The following SEC22A variants were observed in gnomAD, a reference collection of about 807,000 sequenced individuals.
SEC22A encodes the protein vesicle-trafficking protein SEC22a.
Under a neutral mutation model 35.3 loss-of-function variants are expected in SEC22A, and 22 were observed. The observed-to-expected ratio is 0.62, with a 90% CI of 0.45 to 0.89. The LOEUF (loss-of-function observed/expected upper bound fraction) is 0.89. Among genes scored for constraint, SEC22A ranks in the 40% least tolerant of loss-of-function variants. The pLI is 0.00. For missense variants in SEC22A, 354 were observed against 362.5 expected (o/e 0.98, Z 0.19); for synonymous variants, 119 against 129.5 (o/e 0.92, Z 0.55).
rs1398776536 is a variant in SEC22A at position 123,272,839 on chromosome 3, A to G, written c.*1117A>G. 6.5e-6 allele frequency: 1 copy of G among 153,808 alleles called. No homozygotes were observed. The allele number at this position is 153,808 out of a possible 1,614,324, so 9.5% of individuals were successfully genotyped here. On this transcript the variant is annotated 3_prime_UTR_variant, in exon 7 of 7. Coordinates refer to ENST00000492595, the MANE Select transcript of SEC22A (RefSeq NM_012430.5). ...AGTGGCATGGGTCCGCACTATGGAA[A>G]TGCTTGACTGTAGTAAGAATCAGAA...
intron 2 of SEC22A, among the ~76,000 whole-genome samples, chr3:123,222,400 T>C (rs1397133855): frequency 6.6e-6 from 1 of 152,094 alleles, no homozygotes; most frequent in Non-Finnish European, 1.5e-5. Flanking sequence ...GGTTTCACCA[T>C]GTTGGCCAGG....
intron 6 of SEC22A, among the ~76,000 whole-genome samples, chr3:123,262,537 G>T (rs1047214659): frequency 5.9e-5 from 9 of 152,068 alleles, no homozygotes; most frequent in African/African-American, 2.2e-4. Context: ...TATGTTTCAG[G>T]TACTCACATG....
intron 5 of SEC22A, among the ~76,000 whole-genome samples, chr3:123,254,028 A>C (rs1937666432): frequency 6.6e-6 from 1 of 152,084 alleles, no homozygotes; most frequent in Non-Finnish European, 1.5e-5. Flanking sequence ...ATAAAATAAA[A>C]ATTATCACCA....
chr3:123,212,537 T>A (rs1365063323), intron 2 of SEC22A, among the ~76,000 whole-genome samples: 1 of 152,264 alleles, frequency 6.6e-6, no homozygotes, highest in East Asian at 1.9e-4. Flanking sequence ...TTTTGCAATT[T>A]TTTTTCTTTT....
At chr3:123,208,857 C>T (rs564762886) in intron 1 of SEC22A, 63 of 232,420 alleles carry the variant, frequency 2.7e-4, no homozygotes, top group Non-Finnish European at 4.0e-4. Flanking sequence ...CTCAGTGACG[C>T]GATTTCGGCT....
At chr3:123,222,087 C>CT (rs1420124787) in intron 2 of SEC22A, among the ~76,000 whole-genome samples, 3 of 151,254 alleles carry the variant, frequency 2.0e-5, no homozygotes, top group Admixed American at 6.6e-5. Flanking sequence ...GCCAACTTTC[C>CT]TTTTTTTGTC....
chr3:123,202,069 TGCCTCTCGCCACAGCCTCGGCCTTCGCC>T (rs1936751641), intron 1 of SEC22A, 83 bp downstream of exon 1: 1 of 153,372 alleles, frequency 6.5e-6, no homozygotes, highest in Non-Finnish European at 1.5e-5. Context: ...TCCCGCTCCC[TGCCTCTCGCCACAGCCTCGGCCTTCGCC>T]CTCGGGATTG....
Position 123,209,222 on chromosome 3 carries a change from C to A in SEC22A, c.5C>A (p.Ser2Tyr). Residue 2 changes from serine (S) to tyrosine (Y), a missense_variant, in exon 2 of 7, where the codon TCT (serine) becomes TAT (tyrosine). Physicochemically the swap from Ser to Tyr is moderately radical, Grantham distance 144. Coordinates refer to ENST00000492595, the MANE Select transcript of SEC22A (RefSeq NM_012430.5). ...AGGTCTTCTCTGTTGGTTGAAATGT[C>A]TATGATTTTATCTGCCTCAGTCATT... M[S>Y]MILSASVIRV... is the part of the protein sequence containing the mutation. The A allele has an allele frequency of 6.2e-7, 1 of 1,613,948 alleles. No individual in the cohort carries two copies. The highest frequency in any genetic ancestry group is 1.1e-5 in the South Asian group (1 of 91,046).
chr3:123,236,352 A>G (rs933300238), intron 4 of SEC22A, among the ~76,000 whole-genome samples: 1 of 152,186 alleles, frequency 6.6e-6, no homozygotes, highest in Non-Finnish European at 1.5e-5. Flanking sequence ...TATAGAATAT[A>G]TATGTCTGAT....
chr3:123,271,792 A>T lies in SEC22A; in HGVS notation c.*70A>T. On this transcript the variant is annotated 3_prime_UTR_variant, in exon 7 of 7. Coordinates refer to ENST00000492595, the MANE Select transcript of SEC22A (RefSeq NM_012430.5). ...GGGAACATATCATAACTGCACTGTG[A>T]TGAAGAAGCTGTTCCCCACAGAGGA... The T allele has an allele frequency of 3.1e-6, 4 of 1,282,002 alleles. No homozygotes were observed. The South Asian group carries it at 5.0e-5, about 16-fold the overall frequency. 79.4% of individuals were successfully genotyped at this position (1,282,002 alleles called of 1,614,324 possible).
intron 4 of SEC22A, among the ~76,000 whole-genome samples, chr3:123,233,682 T>C (rs140470640): frequency 6.6e-6 from 1 of 150,936 alleles, no homozygotes; most frequent in African/African-American, 2.4e-5. Flanking sequence ...AAACTAGGAA[T>C]AGAAGGGAAG....
chr3:123,243,722 A>C (rs1937544669), intron 4 of SEC22A: 1 of 152,236 alleles, frequency 6.6e-6, no homozygotes, highest in African/African-American at 2.4e-5. Flanking sequence ...ACCATGCCAG[A>C]AAGTATTTAC....
rs1158962366 is a variant in SEC22A at position 123,203,111 on chromosome 3, G to GTA, written c.-20+1129_-20+1130dup. ...TTGCGTGCAACTGGTTAAAATCGAA[G>GTA]TATATCTTATGTTGGTATATGAAAG... On this transcript the variant is annotated intron_variant, in intron 1 of 6. Coordinates refer to ENST00000492595, the MANE Select transcript of SEC22A (RefSeq NM_012430.5). 7.6e-5 allele frequency among the ~76,000 whole-genome samples: 8 copies of GTA among 105,100 alleles called. No homozygotes were observed. The Admixed American group carries it at 1.2e-3, about 16-fold the overall frequency. 68.9% of individuals were successfully genotyped at this position (105,100 alleles called of 152,430 possible). A position where few individuals can be genotyped will look rare whatever the true frequency, so the allele number is the denominator to read the frequency against.
In SEC22A at chr3:123,269,308, G is replaced by A. The variant is rs551016649; in HGVS notation, c.724-2214G>A. ...TGGAAATATAAAATCACCATTAAGC[G>A]AACACCACAGTAATCATTGTTGCAG... On this transcript the variant is annotated intron_variant, in intron 6 of 6. Transcript: ENST00000492595. Among the ~76,000 whole-genome samples the A allele has an allele frequency of 1.4e-4, 21 of 151,420 alleles. No individual in the cohort carries two copies. In the East Asian group the frequency reaches 3.3e-3, roughly 24 times the overall value.
At chr3:123,223,354 A>G (rs1937162672) in intron 2 of SEC22A, among the ~76,000 whole-genome samples, 1 of 152,114 alleles carries the variant, frequency 6.6e-6, no homozygotes, top group Non-Finnish European at 1.5e-5. Context: ...AGTACATTCT[A>G]TTTTTTGTCT....
intron 1 of SEC22A, among the ~76,000 whole-genome samples, chr3:123,205,415 G>A (rs1042181683): frequency 1.3e-5 from 2 of 152,154 alleles, no homozygotes; most frequent in Admixed American, 6.5e-5. Context: ...GAGGCTGGGC[G>A]CAGTGGCTCA....
intron 3 of SEC22A, among the ~76,000 whole-genome samples, chr3:123,223,984 G>A (rs551130591): frequency 6.6e-6 from 1 of 152,292 alleles, no homozygotes; most frequent in Admixed American, 6.5e-5. Flanking sequence ...TTATAAGCCA[G>A]AGATTCAGAC....
intron 4 of SEC22A, among the ~76,000 whole-genome samples, chr3:123,226,469 T>C (rs1460300861): frequency 1.3e-5 from 2 of 152,230 alleles, no homozygotes; most frequent in Non-Finnish European, 2.9e-5. Flanking sequence ...CCTTTTCATA[T>C]ACCTGTTTAC....
At chr3:123,215,312 G>A (rs1231613128) in intron 2 of SEC22A, among the ~76,000 whole-genome samples, 2 of 152,146 alleles carry the variant, frequency 1.3e-5, no homozygotes, top group Admixed American at 6.6e-5. Flanking sequence ...TACTCTCTAC[G>A]ACTTGAAAGC....
Sources: allele counts gnomAD v4.1 joint callset (sites outside exome capture counted in the v4.1 genomes callset), GRCh38; gene constraint gnomAD v4.1.1; transcripts MANE v1.5; gene names NCBI Gene and HGNC (gene_info 2026-07-23, HGNC 2026-07-21).